Variants in HSPA12A observed in about 807,000 individuals in gnomAD.
The protein encoded by HSPA12A is heat shock protein family A (Hsp70) member 12A.
A neutral mutation model predicts 69.2 loss-of-function variants in HSPA12A; 28 were observed. The ratio of observed to expected loss-of-function variants is 0.40; its 90% CI spans 0.30 to 0.55. The LOEUF (loss-of-function observed/expected upper bound fraction) is 0.55, where lower values mean the gene tolerates loss of function less well. Ranked by LOEUF, HSPA12A falls within the 20% of genes least tolerant of loss-of-function variation. The pLI, the probability that HSPA12A is intolerant of heterozygous loss-of-function variation, is 0.38. For missense variants in HSPA12A, 686 were observed against 900.7 expected (o/e 0.76, Z 3.05); for synonymous variants, 345 against 370.5 (o/e 0.93, Z 0.79).
intron 2 of HSPA12A, among the ~76,000 whole-genome samples, chr10:116,803,262 C>T (rs1377035934): frequency 1.3e-5 from 2 of 152,210 alleles, no homozygotes; most frequent in Admixed American, 6.5e-5. Flanking sequence ...CCTGCCGACT[C>T]CTTGGGGAGC....
intron 5 of HSPA12A, among the ~76,000 whole-genome samples, chr10:116,693,583 C>G (rs148712577): frequency 6.6e-6 from 1 of 152,298 alleles, no homozygotes; most frequent in Non-Finnish European, 1.5e-5. Flanking sequence ...CAAGGCACTT[C>G]TGTGTCTAAA....
intron 6 of HSPA12A, among the ~76,000 whole-genome samples, chr10:116,684,821 T>C (rs1455204458): frequency 6.6e-6 from 1 of 152,240 alleles, no homozygotes; most frequent in Non-Finnish European, 1.5e-5. Context: ...GCAGAAGTGC[T>C]TCTGCTCTGT....
intron 1 of HSPA12A, among the ~76,000 whole-genome samples, chr10:116,836,315 A>T (rs1845709705): frequency 6.6e-6 from 1 of 152,128 alleles, no homozygotes; most frequent in Admixed American, 6.5e-5. Context: ...GTCAACAGCT[A>T]CAGGGGAGGG....
Position 116,742,238 on chromosome 10 carries a change from G to A in HSPA12A, c.40+192C>T, listed in dbSNP as rs552717204. On this transcript the variant is annotated intron_variant, in intron 1 of 11. Coordinates refer to ENST00000369209, the MANE Select transcript of HSPA12A (RefSeq NM_025015.3). ...GCGCAGAACATGTGACCCGCGGGCCGTCTCCGGTCCACCGGACCCCGGCCC... is the reference window on the plus strand; with the variant it reads ...GCGCAGAACATGTGACCCGCGGGCCATCTCCGGTCCACCGGACCCCGGCCC... Among the ~76,000 whole-genome samples the A allele has an allele frequency of 2.0e-5, 3 of 151,830 alleles. No individual in the cohort carries two copies. The South Asian group carries it at 6.2e-4, about 31-fold the overall frequency.
At chr10:116,768,275 A>G (rs191171884) in intron 2 of HSPA12A, among the ~76,000 whole-genome samples, 1 of 152,358 alleles carries the variant, frequency 6.6e-6, no homozygotes, top group East Asian at 1.9e-4. Context: ...GTTTGATTCC[A>G]TTTATATGAA....
chr10:116,722,008 C>A (rs2133027210), intron 1 of HSPA12A, among the ~76,000 whole-genome samples: 1 of 152,340 alleles, frequency 6.6e-6, no homozygotes, highest in South Asian at 2.1e-4. Flanking sequence ...GACAACCGCC[C>A]AAGTTCAGGC....
rs183499883 is a variant in HSPA12A at position 116,733,134 on chromosome 10, T to C, written c.40+9296A>G. ...ATGTGGACTGACTACAAGCAGTTGTTTTCTGAAACTTTCATCTGTCCTTTG... is the reference window on the plus strand; with the variant it reads ...ATGTGGACTGACTACAAGCAGTTGTCTTCTGAAACTTTCATCTGTCCTTTG... On this transcript the variant is annotated intron_variant, in intron 1 of 11. Coordinates refer to ENST00000369209, the MANE Select transcript of HSPA12A (RefSeq NM_025015.3). Among the ~76,000 whole-genome samples, 39 of 152,330 alleles carry C rather than the reference T, an allele frequency of 2.6e-4. No individual in the cohort carries two copies. The East Asian group carries it at 5.6e-3, about 22-fold the overall frequency.
chr10:116,682,099 C>A (rs1261199894), intron 7 of HSPA12A, among the ~76,000 whole-genome samples: 1 of 152,134 alleles, frequency 6.6e-6, no homozygotes, highest in Non-Finnish European at 1.5e-5. Flanking sequence ...AGCCTGTGCC[C>A]AGCTGAAAAG....
At position 116,723,442 on chromosome 10, in the gene HSPA12A, T is replaced by C. The variant is rs1160911046; in HGVS notation, c.41-16157A>G. Among the ~76,000 whole-genome samples, 1 of 152,196 alleles carries C rather than the reference T, an allele frequency of 6.6e-6. No homozygotes were observed. Among genetic ancestry groups the C allele is most frequent in the South Asian group, 2.1e-4 (1 of 4,832 alleles). On this transcript the variant is annotated intron_variant, in intron 1 of 11. Transcript: ENST00000369209. The surrounding 1 kb of genome is among the most constrained non-coding windows in gnomAD (Gnocchi z 4.1). The stretch of plus-strand genomic sequence containing the variant: ...AGGGGACGGGGCTGAGGACCCCGAA[T>C]GAGCTGGGTTCTGGGGCAACACCCA...
At chr10:116,817,400 T>C (rs186498333) in intron 2 of HSPA12A, among the ~76,000 whole-genome samples, 1,633 of 152,196 alleles carry the variant, frequency 0.011, 23 homozygotes, top group African/African-American at 0.034. Flanking sequence ...GTGCTAACCC[T>C]CGGCACAGCC....
chr10:116,782,037 CA>C (rs1481437699), intron 2 of HSPA12A, among the ~76,000 whole-genome samples: 3 of 152,012 alleles, frequency 2.0e-5, no homozygotes, highest in African/African-American at 7.2e-5. Flanking sequence ...AAGTCAATTT[CA>C]AAAAACAACC....
intron 2 of HSPA12A, among the ~76,000 whole-genome samples, 162 bp from the exon 3 acceptor site, chr10:116,705,440 G>T (rs1850214054): frequency 1.3e-5 from 2 of 152,198 alleles, no homozygotes; most frequent in South Asian, 4.1e-4. Flanking sequence ...AGGCAGCCCA[G>T]CCTGGGCCCC....
At chr10:116,795,055 A>T (rs1844787663) in intron 2 of HSPA12A, among the ~76,000 whole-genome samples, 1 of 152,220 alleles carries the variant, frequency 6.6e-6, no homozygotes, top group Non-Finnish European at 1.5e-5. Context: ...GCTGAAGATT[A>T]ATGAGGTAAG....
intron 2 of HSPA12A, among the ~76,000 whole-genome samples, chr10:116,819,508 C>T (rs1281208876): frequency 2.6e-5 from 4 of 152,098 alleles, no homozygotes; most frequent in Admixed American, 6.6e-5. Flanking sequence ...AGAGAGCTGA[C>T]GGAGCTTGTT....
chr10:116,840,445 AC>A (rs1298051121), intron 1 of HSPA12A, among the ~76,000 whole-genome samples: 2 of 152,238 alleles, frequency 1.3e-5, no homozygotes, highest in East Asian at 1.9e-4. Flanking sequence ...CCCCAAAAAA[AC>A]ATAGCCTTTG....
At chr10:116,808,530 G>A (rs564041664) in intron 2 of HSPA12A, among the ~76,000 whole-genome samples, 81 of 152,278 alleles carry the variant, frequency 5.3e-4, no homozygotes, top group African/African-American at 1.5e-3. Context: ...GCACACTGGA[G>A]GCCCTAAGGA....
At chr10:116,683,500 A>G (rs946701022) in intron 7 of HSPA12A, 14 of 289,524 alleles carry the variant, frequency 4.8e-5, no homozygotes, top group Non-Finnish European at 9.0e-5. Flanking sequence ...GCCTAGTACA[A>G]TGTGAGGCCA....
intron 1 of HSPA12A, among the ~76,000 whole-genome samples, chr10:116,720,172 T>TAA (rs1261361538): frequency 6.6e-6 from 1 of 152,186 alleles, no homozygotes; most frequent in Non-Finnish European, 1.5e-5. Context: ...ATCAGCCTTG[T>TAA]AAGGAGAAGT....
At chr10:116,691,218 A>G (rs1849728035) in intron 6 of HSPA12A, among the ~76,000 whole-genome samples, 1 of 152,088 alleles carries the variant, frequency 6.6e-6, no homozygotes, top group Non-Finnish European at 1.5e-5. Flanking sequence ...AGCCTGGGGA[A>G]GGGGAGAGAG....
Sources: gnomAD v4.1 joint callset for allele counts (sites outside exome capture counted in the v4.1 genomes callset) on GRCh38, gnomAD v4.1.1 for gene constraint, Gnocchi (gnomAD v3.1) non-coding constraint, MANE v1.5 for transcripts, NCBI Gene and HGNC (gene_info 2026-07-23, HGNC 2026-07-21) for gene names.